Variants in DCLK1 observed in about 807,000 individuals in gnomAD.
The protein encoded by DCLK1 is doublecortin like kinase 1.
A neutral mutation model predicts 86.2 loss-of-function variants in DCLK1; 16 were observed. The ratio of observed to expected loss-of-function variants is 0.19; its 90% CI spans 0.13 to 0.28. The LOEUF is 0.28. Among genes scored for constraint, DCLK1 ranks in the 10% least tolerant of loss-of-function variants. DCLK1 has a pLI of 1.00. For synonymous variants in DCLK1, 369 were observed against 370.5 expected, an observed-to-expected ratio of 1.00 and a Z score of 0.05; for missense variants, 590 against 940.2, an observed-to-expected ratio of 0.63 and a Z score of 4.87.
intron 3 of DCLK1, among the ~76,000 whole-genome samples, chr13:36,099,848 C>T (rs1286285735): frequency 6.6e-6 from 1 of 152,090 alleles, no homozygotes; most frequent in African/African-American, 2.4e-5. Context: ...TACAATAATA[C>T]ATGAGATTAG....
intron 4 of DCLK1, among the ~76,000 whole-genome samples, chr13:35,880,903 A>G (rs961693042): frequency 1.3e-5 from 2 of 152,222 alleles, no homozygotes; most frequent in Admixed American, 6.5e-5. Context: ...GTCTTCAGTG[A>G]GAGATTTGAA....
At chr13:36,004,750 A>AT (rs551958187) in intron 3 of DCLK1, among the ~76,000 whole-genome samples, 9 of 151,760 alleles carry the variant, frequency 5.9e-5, no homozygotes, top group African/African-American at 9.7e-5. Flanking sequence ...TAATTTTTGC[A>AT]TTTTTTTCGT....
intron 5 of DCLK1, among the ~76,000 whole-genome samples, chr13:35,861,234 T>A (rs1230236889): frequency 1.3e-5 from 2 of 150,490 alleles, no homozygotes; most frequent in East Asian, 3.9e-4. Flanking sequence ...TGATTTGGGG[T>A]ACAAGAAAAA....
chr13:35,892,581 G>C (rs1406783310), intron 4 of DCLK1, among the ~76,000 whole-genome samples: 1 of 152,210 alleles, frequency 6.6e-6, no homozygotes, highest in African/African-American at 2.4e-5. Context: ...CCAGTAGAAA[G>C]TGATCAGATA....
At chr13:36,004,248 A>ACTAT (rs1256510063) in intron 3 of DCLK1, among the ~76,000 whole-genome samples, 1 of 152,190 alleles carries the variant, frequency 6.6e-6, no homozygotes, top group Non-Finnish European at 1.5e-5. Flanking sequence ...ATTTCCAGAG[A>ACTAT]CTATCTAAAA....
At chr13:36,098,148 G>A (rs1314531364) in intron 3 of DCLK1, among the ~76,000 whole-genome samples, 1 of 152,160 alleles carries the variant, frequency 6.6e-6, no homozygotes, top group Admixed American at 6.5e-5. Context: ...CCCTGGGCTG[G>A]ATTCAACATA....
intron 3 of DCLK1, among the ~76,000 whole-genome samples, chr13:35,987,621 T>TA (rs926979816): frequency 3.3e-5 from 5 of 151,510 alleles, no homozygotes; most frequent in Non-Finnish European, 5.9e-5. Context: ...ACCACAACAA[T>TA]AAAAAAAATA....
chr13:35,816,104 C>T (rs1416443773), intron 11 of DCLK1, among the ~76,000 whole-genome samples: 1 of 152,252 alleles, frequency 6.6e-6, no homozygotes, highest in Admixed American at 6.5e-5. Flanking sequence ...CATGCACATT[C>T]CGGATTCTGT....
At chr13:35,942,732 A>G (rs1593754303) in intron 4 of DCLK1, among the ~76,000 whole-genome samples, 1 of 152,174 alleles carries the variant, frequency 6.6e-6, no homozygotes. Context: ...ATCTTAGTCC[A>G]AGGGACTTCA....
chr13:36,079,740 T>TA (rs201004608), intron 3 of DCLK1, among the ~76,000 whole-genome samples: 2,890 of 151,686 alleles, frequency 0.019, 26 homozygotes, highest in Non-Finnish European at 0.031. Flanking sequence ...TGCTACAATT[T>TA]AAAAAAAAAT....
chr13:35,827,505 C>T, intron 10 of DCLK1, 130 bp downstream of exon 10: 1 of 1,128,964 alleles, frequency 8.9e-7, no homozygotes. Flanking sequence ...TGTGAACATT[C>T]CTAATCACTG....
chr13:36,116,926 G>A (rs760466423), intron 2 of DCLK1, among the ~76,000 whole-genome samples: 3 of 152,170 alleles, frequency 2.0e-5, no homozygotes, highest in South Asian at 2.1e-4. Context: ...ACTCAGATAC[G>A]CACAGCAACA....
chr13:35,777,859 A>G (rs2086451244), intron 16 of DCLK1, among the ~76,000 whole-genome samples: 1 of 152,200 alleles, frequency 6.6e-6, no homozygotes, highest in African/African-American at 2.4e-5. Flanking sequence ...AAAGTATTTT[A>G]GGAACTTCTT....
chr13:36,092,527 C>T (rs1308015934), intron 3 of DCLK1, among the ~76,000 whole-genome samples: 2 of 143,164 alleles, frequency 1.4e-5, no homozygotes, highest in Non-Finnish European at 3.0e-5. Context: ...CACTCTGTCG[C>T]CCAGGCTGGA....
At chr13:35,793,768 C>T (rs1465569899) in intron 15 of DCLK1, among the ~76,000 whole-genome samples, 1 of 152,056 alleles carries the variant, frequency 6.6e-6, no homozygotes, top group African/African-American at 2.4e-5. Context: ...AAAATCTATT[C>T]CAACCACGGC....
At chr13:35,980,657 C>T (rs1312427075) in intron 3 of DCLK1, among the ~76,000 whole-genome samples, 1 of 152,046 alleles carries the variant, frequency 6.6e-6, no homozygotes, top group Non-Finnish European at 1.5e-5. Flanking sequence ...TGGACGTGGG[C>T]TGGGTGCGGG....
chr13:36,044,453 G>C (rs1316519244), intron 3 of DCLK1, among the ~76,000 whole-genome samples: 1 of 152,148 alleles, frequency 6.6e-6, no homozygotes, highest in Admixed American at 6.5e-5. Flanking sequence ...ATGCATAGGG[G>C]AATGTAGGCT....
intron 4 of DCLK1, 140 bp downstream of exon 4, chr13:35,947,218 C>A (rs1877433227): frequency 1.9e-6 from 1 of 527,526 alleles, no homozygotes; most frequent in Non-Finnish European, 3.3e-6. Context: ...CAAAGAAATC[C>A]AAGATATGGA....
At chr13:36,041,731 T>C (rs1433532343) in intron 3 of DCLK1, among the ~76,000 whole-genome samples, 3 of 152,154 alleles carry the variant, frequency 2.0e-5, no homozygotes, top group African/African-American at 7.2e-5. Flanking sequence ...TTATTCACGG[T>C]GCTTTTAATA....
Sources: allele counts gnomAD v4.1 joint callset (sites outside exome capture counted in the v4.1 genomes callset), GRCh38; gene constraint gnomAD v4.1.1; transcripts MANE v1.5; gene names NCBI Gene and HGNC (gene_info 2026-07-23, HGNC 2026-07-21).